Variants in CPQ observed in about 807,000 individuals in gnomAD.
CPQ encodes the protein Ser-Met dipeptidase.
CPQ carries 37 observed loss-of-function variants against 45.7 expected under a neutral mutation model. That is an observed-to-expected ratio of 0.81 (90% confidence interval 0.62 to 1.07). The LOEUF is 1.07. CPQ is among the 50% of genes least tolerant of loss of function. CPQ has a pLI of 0.00. For missense variants in CPQ, 537 were observed against 572.9 expected, an observed-to-expected ratio of 0.94 and a Z score of 0.64; for synonymous variants, 186 against 205.8, an observed-to-expected ratio of 0.90 and a Z score of 0.82.
At chr8:97,027,683 A>C (rs1012567685) in intron 5 of CPQ, among the ~76,000 whole-genome samples, 2 of 152,204 alleles carry the variant, frequency 1.3e-5, no homozygotes, top group African/African-American at 4.8e-5. Flanking sequence ...AGACTGGAGA[A>C]GTGGCTTCAA....
intron 3 of CPQ, among the ~76,000 whole-genome samples, chr8:96,850,353 C>G (rs1356566411): frequency 6.6e-6 from 1 of 152,048 alleles, no homozygotes; most frequent in Non-Finnish European, 1.5e-5. Context: ...TCCAGGGAGG[C>G]AAGGCTGACA....
chr8:96,645,869 C>T (rs536611779), intron 1 of CPQ, among the ~76,000 whole-genome samples: 13 of 151,028 alleles, frequency 8.6e-5, no homozygotes, highest in African/African-American at 2.9e-4. Context: ...GCTTTTGATG[C>T]GTCTAGTTTC....
intron 2 of CPQ, among the ~76,000 whole-genome samples, chr8:96,828,257 A>G (rs1811403222): frequency 6.6e-6 from 1 of 151,984 alleles, no homozygotes; most frequent in Non-Finnish European, 1.5e-5. Flanking sequence ...AGCTGAGCCT[A>G]GTGATATTTT....
intron 1 of CPQ, among the ~76,000 whole-genome samples, chr8:96,657,700 C>T (rs1196158233): frequency 6.6e-6 from 1 of 152,170 alleles, no homozygotes; most frequent in Non-Finnish European, 1.5e-5. Context: ...GACAACAAAA[C>T]CCAAAAGCCT....
intron 1 of CPQ, among the ~76,000 whole-genome samples, chr8:96,648,951 C>T (rs563818177): frequency 6.6e-6 from 1 of 152,284 alleles, no homozygotes; most frequent in East Asian, 1.9e-4. Context: ...TAAACTTTAT[C>T]ACAGTCTAGA....
At chr8:96,747,432 G>A (rs1308092011) in intron 1 of CPQ, among the ~76,000 whole-genome samples, 1 of 152,082 alleles carries the variant, frequency 6.6e-6, no homozygotes, top group Non-Finnish European at 1.5e-5. Context: ...ATTGAGGTGA[G>A]TGTGCTGTAA....
intron 4 of CPQ, among the ~76,000 whole-genome samples, chr8:96,964,873 A>C (rs552124778): frequency 1.3e-5 from 2 of 152,120 alleles, no homozygotes; most frequent in Non-Finnish European, 2.9e-5. Flanking sequence ...TTTTATAATG[A>C]TCAAGATACA....
At chr8:96,710,712 C>T (rs985556180) in intron 1 of CPQ, among the ~76,000 whole-genome samples, 4 of 152,066 alleles carry the variant, frequency 2.6e-5, no homozygotes, top group Admixed American at 2.0e-4. Flanking sequence ...TGAGAAGATA[C>T]TTGATTTGAT....
chr8:96,706,413 A>G (rs1809531256), intron 1 of CPQ, among the ~76,000 whole-genome samples: 2 of 151,958 alleles, frequency 1.3e-5, no homozygotes, highest in South Asian at 4.1e-4. Context: ...TGACCTGCAT[A>G]GGGCTGGAGA....
intron 6 of CPQ, among the ~76,000 whole-genome samples, chr8:97,045,851 C>G (rs1810246844): frequency 6.6e-6 from 1 of 152,180 alleles, no homozygotes; most frequent in African/African-American, 2.4e-5. Flanking sequence ...GAAGTACTGG[C>G]AGGGCTGTTC....
At chr8:96,804,773 T>C (rs1222591287) in intron 2 of CPQ, among the ~76,000 whole-genome samples, 1 of 151,966 alleles carries the variant, frequency 6.6e-6, no homozygotes, top group Non-Finnish European at 1.5e-5. Flanking sequence ...TTAAAGCAAA[T>C]GGGGTGTTTA....
intron 3 of CPQ, among the ~76,000 whole-genome samples, chr8:96,849,131 T>C (rs1811738652): frequency 6.6e-6 from 1 of 152,220 alleles, no homozygotes; most frequent in Admixed American, 6.5e-5. Context: ...GCATTTGCTC[T>C]TTGAGCTCTA....
At chr8:96,821,173 CTTATATGTTCTGGTTA>C (rs1365638268) in intron 2 of CPQ, among the ~76,000 whole-genome samples, 1 of 85,622 alleles carries the variant, frequency 1.2e-5, no homozygotes, top group Non-Finnish European at 2.2e-5. Context: ...GTTTGAACTC[CTTATATGTTCTGGTTA>C]TTAATCCCTT....
intron 5 of CPQ, among the ~76,000 whole-genome samples, chr8:96,988,062 A>G (rs1254932338): frequency 1.3e-5 from 2 of 152,202 alleles, no homozygotes; most frequent in Non-Finnish European, 2.9e-5. Context: ...TCTATATCCA[A>G]AGAATTCAGA....
intron 1 of CPQ, among the ~76,000 whole-genome samples, chr8:96,755,648 A>C (rs1295642065): frequency 6.6e-6 from 1 of 151,882 alleles, no homozygotes; most frequent in African/African-American, 2.4e-5. Context: ...AAAGGGCACA[A>C]AGTATATAAT....
chr8:96,934,338 C>G (rs1451593726), intron 4 of CPQ, among the ~76,000 whole-genome samples: 1 of 152,150 alleles, frequency 6.6e-6, no homozygotes, highest in African/African-American at 2.4e-5. Flanking sequence ...AGCCCTCGGG[C>G]TGGATGCTGA....
intron 1 of CPQ, among the ~76,000 whole-genome samples, chr8:96,734,623 A>G (rs1172953326): frequency 6.6e-6 from 1 of 152,042 alleles, no homozygotes; most frequent in Non-Finnish European, 1.5e-5. Context: ...AGGCAGGGGA[A>G]TGGCATGAAG....
intron 5 of CPQ, among the ~76,000 whole-genome samples, chr8:97,012,230 A>C (rs1809500198): frequency 1.3e-5 from 2 of 152,192 alleles, no homozygotes; most frequent in African/African-American, 4.8e-5. Context: ...CTGCACAGTT[A>C]ATCCAAATGA....
At chr8:96,797,378 T>C (rs1279677846) in intron 2 of CPQ, among the ~76,000 whole-genome samples, 1 of 152,202 alleles carries the variant, frequency 6.6e-6, no homozygotes, top group East Asian at 1.9e-4. Context: ...TTTCATTATG[T>C]CCCTTAATCA....
Sources: gnomAD v4.1 joint callset for allele counts (sites outside exome capture counted in the v4.1 genomes callset) on GRCh38, gnomAD v4.1.1 for gene constraint, MANE v1.5 for transcripts, NCBI Gene and HGNC (gene_info 2026-07-23, HGNC 2026-07-21) for gene names.